The following CLIC5 variants were observed in gnomAD, a reference collection of about 807,000 sequenced individuals.
CLIC5 encodes chloride intracellular channel protein 5.
In CLIC5, 20 loss-of-function variants were observed where a neutral mutation model predicts 24.7. The ratio of observed to expected loss-of-function variants is 0.81; its 90% confidence interval spans 0.57 to 1.18. The LOEUF (loss-of-function observed/expected upper bound fraction) is 1.18, where lower values mean the gene tolerates loss of function less well. Among genes scored for constraint, CLIC5 ranks in the 50% most tolerant of loss-of-function variants. CLIC5 has a pLI of 0.00. For missense variants in CLIC5, 341 were observed against 326.1 expected (o/e 1.05, Z -0.35); for synonymous variants, 159 against 135.6 (o/e 1.17, Z -1.20).
At chr6:46,061,926 T>C (rs926326079) in intron 1 of CLIC5, among the ~76,000 whole-genome samples, 4 of 152,152 alleles carry the variant, frequency 2.6e-5, no homozygotes, top group African/African-American at 9.7e-5. Context: ...ACAGAACTGA[T>C]TGGTCTTCAA....
intron 1 of CLIC5, among the ~76,000 whole-genome samples, chr6:45,982,539 A>T (rs762559900): frequency 6.6e-6 from 1 of 152,172 alleles, no homozygotes; most frequent in Admixed American, 6.5e-5. Flanking sequence ...TTCCTAGGCT[A>T]TAAACCTGTC....
the CLIC5 span, chr6:46,097,207 AAAT>A: frequency 6.6e-6 from 1 of 152,236 alleles, no homozygotes; most frequent in Non-Finnish European, 1.5e-5. Flanking sequence ...CGTGCATTAA[AAAT>A]AATATGAATG....
At chr6:46,020,150 A>G (rs1428601851), upstream of CLIC5, among the ~76,000 whole-genome samples, 1 of 152,216 alleles carries the variant, frequency 6.6e-6, no homozygotes, top group Non-Finnish European at 1.5e-5. Flanking sequence ...TATATATGGA[A>G]CATTTACCAA....
intron 1 of CLIC5, among the ~76,000 whole-genome samples, chr6:46,035,403 A>G (rs974155015): frequency 3.3e-5 from 5 of 152,224 alleles, no homozygotes; most frequent in Admixed American, 2.0e-4. Context: ...AAACAAATAT[A>G]TTGTTTAATG....
chr6:45,960,902 G>C (rs1764823729), intron 1 of CLIC5, among the ~76,000 whole-genome samples: 3 of 152,170 alleles, frequency 2.0e-5, no homozygotes, highest in African/African-American at 7.2e-5. Flanking sequence ...TTCTAAGTTT[G>C]TCCTTCCCTG....
At chr6:45,943,548 A>T (rs1404139237) in intron 3 of CLIC5, among the ~76,000 whole-genome samples, 1 of 152,230 alleles carries the variant, frequency 6.6e-6, no homozygotes, top group Non-Finnish European at 1.5e-5. Context: ...GAATCGATAG[A>T]CTTAAATTGC....
intron 1 of CLIC5, among the ~76,000 whole-genome samples, chr6:46,055,856 C>T (rs994250258): frequency 2.6e-5 from 4 of 152,130 alleles, no homozygotes; most frequent in Non-Finnish European, 5.9e-5. Flanking sequence ...CTGTATGATG[C>T]CCTTTGTATG....
chr6:45,931,292 C>G (rs142973379), intron 4 of CLIC5, among the ~76,000 whole-genome samples: 293 of 152,302 alleles, frequency 1.9e-3, no homozygotes, highest in African/African-American at 6.5e-3. Flanking sequence ...TGAGGAAGAG[C>G]TACCTGTTTC....
rs137983941 is a variant in CLIC5, at chr6:45,967,401, T to C, written c.64-12157A>G. On this transcript the variant is annotated intron_variant, in intron 1 of 5. Coordinates refer to ENST00000339561, the MANE Select transcript of CLIC5 (RefSeq NM_016929.5). ...ACTGAAGTGCAGTAGTAGTAGAGAA[T>C]GGGTGGAGTGGGGACAGGAAGGAGC... Among the ~76,000 whole-genome samples, 68 of 152,236 alleles carry C rather than the reference T, an allele frequency of 4.5e-4. No homozygotes were observed. The East Asian group carries it at 0.012, about 26-fold the overall frequency.
intron 1 of CLIC5, among the ~76,000 whole-genome samples, chr6:46,005,669 T>C (rs1426652543): frequency 6.6e-6 from 1 of 152,000 alleles, no homozygotes; most frequent in Non-Finnish European, 1.5e-5. Flanking sequence ...ATCTCTGAGG[T>C]GTTGGCATTA....
At chr6:46,074,018 G>C (rs1461114750) in intron 1 of CLIC5, among the ~76,000 whole-genome samples, 3 of 152,138 alleles carry the variant, frequency 2.0e-5, no homozygotes, top group Admixed American at 2.0e-4. Flanking sequence ...ATCAGCTCTT[G>C]GCCAAGGAAA....
intron 5 of CLIC5, chr6:45,912,175 A>G: frequency 2.0e-6 from 2 of 986,474 alleles, no homozygotes; most frequent in Non-Finnish European, 2.4e-6. Flanking sequence ...TGGAGGCCTG[A>G]CTTGGCTTCC....
chr6:46,031,568 T>C (rs928456148), intron 1 of CLIC5, among the ~76,000 whole-genome samples: 3 of 152,128 alleles, frequency 2.0e-5, no homozygotes, highest in Non-Finnish European at 4.4e-5. Context: ...ATTGGTACAA[T>C]ATTTTTGGTG....
At chr6:46,124,574 A>G in the CLIC5 span, among the ~76,000 whole-genome samples, 47 of 152,362 alleles carry the variant, frequency 3.1e-4, no homozygotes, top group South Asian at 8.9e-3. Flanking sequence ...AAATTGACAA[A>G]TGGGATCTAA....
At chr6:45,953,674 G>T (rs1384394218) in intron 2 of CLIC5, among the ~76,000 whole-genome samples, 1 of 152,162 alleles carries the variant, frequency 6.6e-6, no homozygotes, top group Non-Finnish European at 1.5e-5. Context: ...AACATCAAAG[G>T]TTTCCTGTGC....
At chr6:46,113,938 T>C in the CLIC5 span, among the ~76,000 whole-genome samples, 1 of 152,214 alleles carries the variant, frequency 6.6e-6, no homozygotes, top group Admixed American at 6.5e-5. Flanking sequence ...ACCTTGATAT[T>C]GTTCTGTTAC....
At chr6:45,980,009 C>A (rs1160261307) in intron 1 of CLIC5, among the ~76,000 whole-genome samples, 2 of 61,938 alleles carry the variant, frequency 3.2e-5, no homozygotes, top group East Asian at 1.2e-3. Context: ...CCTAGGTTTT[C>A]TTCTAGGAAT....
chr6:46,054,100 A>G (rs893368033), intron 1 of CLIC5, among the ~76,000 whole-genome samples: 3 of 152,136 alleles, frequency 2.0e-5, no homozygotes, highest in Non-Finnish European at 4.4e-5. Context: ...GTTTGCCCTC[A>G]AAATGATTTT....
At chr6:45,996,470 A>G (rs1305305288) in intron 1 of CLIC5, among the ~76,000 whole-genome samples, 2 of 152,076 alleles carry the variant, frequency 1.3e-5, no homozygotes, top group African/African-American at 4.8e-5. Flanking sequence ...TAGGGTTTTT[A>G]TGGTTTTAGG....
Sources: allele counts gnomAD v4.1 joint callset (sites outside exome capture counted in the v4.1 genomes callset), GRCh38; gene constraint gnomAD v4.1.1; transcripts MANE v1.5; gene names NCBI Gene and HGNC (gene_info 2026-07-23, HGNC 2026-07-21).